Variants in TPTE2 observed in about 807,000 individuals in gnomAD.
TPTE2 encodes the protein transmembrane phosphoinositide 3-phosphatase and tensin homolog 2, also known as phosphatidylinositol 3,4,5-trisphosphate 3-phosphatase TPTE2.
A neutral mutation model predicts 78.6 loss-of-function variants in TPTE2; 53 were observed. The observed-to-expected ratio is 0.67, with a 90% CI of 0.54 to 0.85. TPTE2 has a LOEUF of 0.85. Ranked by LOEUF, TPTE2 falls within the 40% of genes least tolerant of loss-of-function variation. The pLI, the probability that TPTE2 is intolerant of heterozygous loss-of-function variation, is 0.00. For missense variants in TPTE2, 461 were observed against 623.0 expected (o/e 0.74, Z 2.77); for synonymous variants, 175 against 206.2 (o/e 0.85, Z 1.30).
At chr13:19,542,064 T>C in the TPTE2 span, among the ~76,000 whole-genome samples, 47 of 152,336 alleles carry the variant, frequency 3.1e-4, no homozygotes, top group African/African-American at 1.1e-3. Flanking sequence ...AATTTGCCCA[T>C]GAAATTTTCA....
intron 4 of TPTE2, among the ~76,000 whole-genome samples, chr13:19,479,077 A>G (rs1031058374): frequency 3.7e-4 from 57 of 152,206 alleles, no homozygotes; most frequent in Admixed American, 7.2e-4. Flanking sequence ...ATTAATGGGT[A>G]CAGCACACCA....
At chr13:19,539,070 T>C (rs1871364789), upstream of TPTE2, among the ~76,000 whole-genome samples, 1 of 152,172 alleles carries the variant, frequency 6.6e-6, no homozygotes, top group African/African-American at 2.4e-5. Flanking sequence ...AAGCCACCAG[T>C]GCCCTCCCAT....
chr13:19,531,464 T>C (rs1870863240), intron 1 of TPTE2, among the ~76,000 whole-genome samples: 1 of 152,224 alleles, frequency 6.6e-6, no homozygotes, highest in African/African-American at 2.4e-5. Flanking sequence ...TCCAATTCTA[T>C]GTTAAGTAGA....
intron 3 of TPTE2, among the ~76,000 whole-genome samples, chr13:19,489,500 C>CAT (rs1269557560): frequency 6.7e-6 from 1 of 149,896 alleles, no homozygotes; most frequent in Non-Finnish European, 1.5e-5. Flanking sequence ...TACACATGCT[C>CAT]ATATATATAT....
intron 1 of TPTE2, among the ~76,000 whole-genome samples, chr13:19,523,745 A>G (rs987384952): frequency 6.6e-6 from 1 of 152,196 alleles, no homozygotes; most frequent in Non-Finnish European, 1.5e-5. Flanking sequence ...CAAAGGGATT[A>G]CAGGCATGAG....
chr13:19,506,404 A>G (rs1869047084), upstream of TPTE2, among the ~76,000 whole-genome samples: 1 of 150,964 alleles, frequency 6.6e-6, no homozygotes, highest in Non-Finnish European at 1.5e-5. Context: ...CGATCTCCTG[A>G]CCTCGTGATC....
chr13:19,457,131 A>C (rs959537187), intron 10 of TPTE2, among the ~76,000 whole-genome samples: 1 of 152,216 alleles, frequency 6.6e-6, no homozygotes, highest in African/African-American at 2.4e-5. Flanking sequence ...GAAAAACATG[A>C]AACTTGATAC....
At chr13:19,531,052 A>G (rs1318308079) in intron 1 of TPTE2, among the ~76,000 whole-genome samples, 1 of 152,094 alleles carries the variant, frequency 6.6e-6, no homozygotes, top group Admixed American at 6.6e-5. Context: ...TTCTGTCTCT[A>G]TGAATTTGCC....
intron 1 of TPTE2, among the ~76,000 whole-genome samples, chr13:19,533,943 G>T (rs1212288645): frequency 6.6e-6 from 1 of 152,200 alleles, no homozygotes; most frequent in East Asian, 1.9e-4. Flanking sequence ...CAGATCTGCT[G>T]TTGCTCTTCA....
chr13:19,448,009 C>A lies in TPTE2; in HGVS notation c.973+2067G>T, dbSNP rs1287922237. On this transcript the variant is annotated intron_variant, in intron 13 of 19. Transcript: ENST00000400230. ...ATATAGACCAATGGAACAGAATAGA[C>A]AGCCCAGAAAAAATCCATGCATTTA... Among the ~76,000 whole-genome samples, 12 of 152,188 alleles carry A rather than the reference C, an allele frequency of 7.9e-5. No individual in the cohort carries two copies. In the South Asian group the frequency reaches 1.7e-3, roughly 21 times the overall value.
In TPTE2 at chr13:19,482,558, C is replaced by G; in HGVS notation, c.120-11G>C. On this transcript the variant is annotated splice_polypyrimidine_tract_variant and intron_variant, in intron 3 of 19. Transcript: ENST00000400230. ...AGTCGTTCTAACATACTTTAGCCAC[C>G]AAAAAAAAATGCAAAAATATATCAT... 1 of 1,537,228 alleles carries G rather than the reference C, an allele frequency of 6.5e-7. No individual in the cohort carries two copies. Among genetic ancestry groups the G allele is most frequent in the South Asian group, 1.2e-5 (1 of 82,644 alleles).
At chr13:19,459,736 T>C (rs1443178957) in intron 10 of TPTE2, among the ~76,000 whole-genome samples, 1 of 152,122 alleles carries the variant, frequency 6.6e-6, no homozygotes, top group Non-Finnish European at 1.5e-5. Context: ...AGGAATGGAT[T>C]GGGGTCCTGC....
At chr13:19,502,398 C>G (rs1868648169) in intron 1 of TPTE2, among the ~76,000 whole-genome samples, 1 of 151,406 alleles carries the variant, frequency 6.6e-6, no homozygotes, top group South Asian at 2.1e-4. Context: ...GGAACCAACC[C>G]AAATGTCCAA....
intron 18 of TPTE2, among the ~76,000 whole-genome samples, chr13:19,426,042 G>C (rs370402961): frequency 0.065 from 9,903 of 151,246 alleles, 362 homozygotes; most frequent in African/African-American, 0.086. Context: ...CTGGGTGACA[G>C]AGTGAGACCC....
At chr13:19,524,860 A>G (rs1465132702) in intron 1 of TPTE2, among the ~76,000 whole-genome samples, 1 of 152,176 alleles carries the variant, frequency 6.6e-6, no homozygotes, top group African/African-American at 2.4e-5. Context: ...TGAATAGCAG[A>G]GGGACTTCAG....
intron 1 of TPTE2, among the ~76,000 whole-genome samples, chr13:19,514,621 G>GTGTGTGTGTGTGTGTGTGTGTGTGTGTC (rs1259108886): frequency 6.7e-6 from 1 of 148,372 alleles, no homozygotes; most frequent in Non-Finnish European, 1.5e-5. Flanking sequence ...GTGTGTGTGT[G>GTGTGTGTGTGTGTGTGTGTGTGTGTGTC]TGTGTGTGTC....
At chr13:19,496,933 T>C (rs1430733595) in intron 1 of TPTE2, among the ~76,000 whole-genome samples, 25 of 152,168 alleles carry the variant, frequency 1.6e-4, no homozygotes, top group Non-Finnish European at 3.5e-4. Context: ...CGCAGGTCAG[T>C]GGGTGCGCGC....
chr13:19,531,421 C>CT lies in TPTE2; in HGVS notation c.-44+5174dup, dbSNP rs547741109. On this transcript the variant is annotated intron_variant, in intron 1 of 17. Transcript: ENST00000390680. ...TGATTTCATTTTTTGGTCATTTATCCTTTTTTTTTTGGCAGCCACAAAGAC... is the reference window on the plus strand; with the variant it reads ...TGATTTCATTTTTTGGTCATTTATCCTTTTTTTTTTTGGCAGCCACAAAGAC... Among the ~76,000 whole-genome samples the CT allele has an allele frequency of 4.0e-3, 581 of 145,484 alleles. 3 individuals carry two copies. The highest frequency in any genetic ancestry group is 0.013 in the African/African-American group (501 of 39,880).
At chr13:19,428,613 C>T (rs1876321975) in intron 17 of TPTE2, among the ~76,000 whole-genome samples, 1 of 151,746 alleles carries the variant, frequency 6.6e-6, no homozygotes, top group African/African-American at 2.4e-5. Flanking sequence ...AAGTCCCAGG[C>T]TCTACAAAAA....
Sources: gnomAD v4.1 joint callset for allele counts (sites outside exome capture counted in the v4.1 genomes callset) on GRCh38, gnomAD v4.1.1 for gene constraint, MANE v1.5 for transcripts, NCBI Gene and HGNC (gene_info 2026-07-23, HGNC 2026-07-21) for gene names.